PIK3IP1: variants seen among roughly 807,000 people sequenced by gnomAD.
PIK3IP1 encodes the protein phosphoinositide-3-kinase-interacting protein 1.
Under a neutral mutation model 30.7 loss-of-function variants are expected in PIK3IP1, and 28 were observed. That is an observed-to-expected ratio of 0.91 (90% CI 0.68 to 1.25). PIK3IP1 has a LOEUF of 1.25. Among genes scored for constraint, PIK3IP1 ranks in the 50% most tolerant of loss-of-function variants. The pLI is 0.00. For synonymous variants in PIK3IP1, 159 were observed against 140.8 expected (o/e 1.13, Z -0.91); for missense variants, 333 against 346.2 (o/e 0.96, Z 0.30).
In PIK3IP1 at chr22:31,283,295, G is replaced by C. The variant is rs1310242790; in HGVS notation, c.588-7C>G. 2 of 1,601,810 alleles carry C rather than the reference G, an allele frequency of 1.2e-6. No homozygotes were observed. The highest frequency in any genetic ancestry group is 1.1e-5 in the South Asian group (1 of 90,986). ...TTCTTTCAAATCCTTCCCCCTGGCA[G>C]GAAAAAAACAAACAAACATTCAGGC... On this transcript the variant is annotated splice_polypyrimidine_tract_variant and splice_region_variant and intron_variant, in intron 5 of 5. Coordinates refer to ENST00000215912, the MANE Select transcript of PIK3IP1 (RefSeq NM_052880.5).
intron 4 of PIK3IP1, 25 bp from the exon 5 acceptor site, chr22:31,289,418 C>T: frequency 6.3e-7 from 1 of 1,587,836 alleles, no homozygotes. Flanking sequence ...ACACAAGGTC[C>T]CATTAGCCAC....
In PIK3IP1 at chr22:31,283,269, G is replaced by C. The variant is rs1219747858; in HGVS notation, c.607C>G (p.Gln203Glu). 10 of 1,613,552 alleles carry C rather than the reference G, an allele frequency of 6.2e-6. No individual in the cohort carries two copies. The highest frequency in any genetic ancestry group is 7.6e-6 in the Non-Finnish European group (9 of 1,179,998). Residue 203 changes from glutamine (Q) to glutamate (E), a missense_variant, in exon 6 of 6, where the codon CAG becomes GAG. By Grantham distance (29) the Gln-to-Glu change is conservative. Around this residue, in one of 3 missense-constraint regions of PIK3IP1, gnomAD observed 217 missense variants for 227.7 expected, o/e 0.95. Transcript: ENST00000215912. Reference protein sequence around the residue: ...SYKRGKDLKEQHDQKVCEREM... With the variant: ...SYKRGKDLKEEHDQKVCEREM... ...CTCTCACATACTTTCTGATCATGCT[G>C]TTCTTTCAAATCCTTCCCCCTGGCA...
At chr22:31,289,724 C>T in intron 3 of PIK3IP1, 25 bp from the exon 4 acceptor site, 1 of 1,551,312 alleles carries the variant, frequency 6.4e-7, no homozygotes, top group Non-Finnish European at 8.7e-7. Context: ...GGAAACAGCT[C>T]TCATCAGGGA....
intron 5 of PIK3IP1, among the ~76,000 whole-genome samples, chr22:31,285,879 A>G (rs2049127458): frequency 6.6e-6 from 1 of 152,168 alleles, no homozygotes; most frequent in South Asian, 2.1e-4. Flanking sequence ...GGCTTAGTCA[A>G]GGTAATCAGG....
intron 3 of PIK3IP1, chr22:31,290,750 T>G: frequency 1.6e-6 from 1 of 639,610 alleles, no homozygotes; most frequent in East Asian, 3.5e-5. Context: ...CCCGCGCAGT[T>G]GTTTACAAGC....
intron 5 of PIK3IP1, among the ~76,000 whole-genome samples, chr22:31,285,680 A>G (rs141541810): frequency 6.6e-6 from 1 of 152,138 alleles, no homozygotes; most frequent in African/African-American, 2.4e-5. Flanking sequence ...TTAAATTTCT[A>G]TTTTTCCTAC....
At chr22:31,288,545 C>T (rs953130644) in intron 5 of PIK3IP1, among the ~76,000 whole-genome samples, 2 of 152,194 alleles carry the variant, frequency 1.3e-5, no homozygotes, top group African/African-American at 2.4e-5. Flanking sequence ...TCAAATCCCC[C>T]GATTTTGCCC....
intron 1 of PIK3IP1, 38 bp downstream of exon 1, chr22:31,292,237 C>A (rs1168283947): frequency 1.2e-6 from 2 of 1,600,794 alleles, no homozygotes; most frequent in Admixed American, 1.7e-5. Flanking sequence ...CCTTCTGTTT[C>A]ATGAAGTTGC....
rs537150487 is a variant in PIK3IP1 at position 31,285,227 on chromosome 22, G to A, written c.588-1939C>T. Reference sequence around the variant, plus strand: ...CTGCTCAGGAAAAGTTCCCAAGGCAGCTACAGGTAATAATCACAAGAGCAG... The same window carrying A: ...CTGCTCAGGAAAAGTTCCCAAGGCAACTACAGGTAATAATCACAAGAGCAG... On this transcript the variant is annotated intron_variant, in intron 5 of 5. Transcript: ENST00000215912. Among the ~76,000 whole-genome samples, 3 of 152,304 alleles carry A rather than the reference G, an allele frequency of 2.0e-5. No homozygotes were observed. The East Asian group carries it at 5.8e-4, about 29-fold the overall frequency.
At chr22:31,292,182 G>C in intron 1 of PIK3IP1, 93 bp downstream of exon 1, 1 of 1,303,078 alleles carries the variant, frequency 7.7e-7, no homozygotes, top group Non-Finnish European at 1.1e-6. Flanking sequence ...TAAACGCTTC[G>C]TTTCCTGTCA....
chr22:31,290,781 T>G (rs962318825), intron 3 of PIK3IP1, 184 bp downstream of exon 3: 5 of 860,578 alleles, frequency 5.8e-6, no homozygotes, highest in Non-Finnish European at 8.3e-6. Flanking sequence ...GATGAGCTCA[T>G]ACGAGTGGCG....
chr22:31,282,096 C>G lies in PIK3IP1; in HGVS notation c.*988G>C, dbSNP rs539887017. 6.6e-6 allele frequency: 1 copy of G among 152,260 alleles called. No individual in the cohort carries two copies. Among genetic ancestry groups the G allele is most frequent in the Non-Finnish European group, 1.5e-5 (1 of 68,078 alleles). 9.4% of individuals were successfully genotyped at this position (152,260 alleles called of 1,614,324 possible). ...TTGCTTTATGAGTTAGGGGCTGTGA[C>G]CCTAGCCCCAGTGCCCTACAGGAAG... On this transcript the variant is annotated 3_prime_UTR_variant, in exon 6 of 6. Transcript: ENST00000215912.
In PIK3IP1 at chr22:31,291,270, A is replaced by C. The variant is rs373917831; in HGVS notation, c.97T>G (p.Tyr33Asp). The C allele has an allele frequency of 6.4e-7, 1 of 1,555,604 alleles. No homozygotes were observed. The highest frequency in any genetic ancestry group is 1.4e-5 in the African/African-American group (1 of 73,114). The change falls in exon 2 of 6, where the codon TAC becomes GAC. Residue 33 changes from tyrosine to aspartate, a missense_variant. Around this residue, in one of 3 missense-constraint regions of PIK3IP1, gnomAD observed 111 missense variants for 100.1 expected, o/e 1.11. Transcript: ENST00000215912. ...GCGGGGGAGGTCTGGTCCTCCCGGT[A>C]CAGGTGGCCGTTGTCCCAGAAACAG... Reference protein sequence around the residue: ...GGCFWDNGHLYREDQTSPAPG... With the variant: ...GGCFWDNGHLDREDQTSPAPG...
chr22:31,292,159 A>G, intron 1 of PIK3IP1, 116 bp downstream of exon 1: 2 of 1,010,882 alleles, frequency 2.0e-6, no homozygotes, highest in Non-Finnish European at 3.0e-6. Flanking sequence ...TTCACGGGAC[A>G]ACAGAAACCG....
intron 3 of PIK3IP1, 79 bp downstream of exon 3, chr22:31,290,886 G>C: frequency 6.9e-7 from 1 of 1,455,634 alleles, no homozygotes; most frequent in Non-Finnish European, 9.0e-7. Flanking sequence ...GCATCGCGCG[G>C]CCGCACGTGC....
At chr22:31,284,755 C>T (rs1185179907) in intron 5 of PIK3IP1, among the ~76,000 whole-genome samples, 8 of 152,202 alleles carry the variant, frequency 5.3e-5, no homozygotes, top group African/African-American at 1.9e-4. Context: ...AGACCTCCCT[C>T]TGAAGCTAGT....
chr22:31,287,971 A>G (rs1161807770), intron 5 of PIK3IP1, among the ~76,000 whole-genome samples: 2 of 152,148 alleles, frequency 1.3e-5, no homozygotes, highest in African/African-American at 4.8e-5. Flanking sequence ...TGTTATTATT[A>G]TACCCAAACT....
chr22:31,292,010 G>A (rs924341671), intron 1 of PIK3IP1, among the ~76,000 whole-genome samples: 1 of 152,198 alleles, frequency 6.6e-6, no homozygotes, highest in Non-Finnish European at 1.5e-5. Context: ...CAGGACTTGG[G>A]GAGTAGGGGA....
chr22:31,285,982 G>T (rs1423113918), intron 5 of PIK3IP1, among the ~76,000 whole-genome samples: 1 of 152,094 alleles, frequency 6.6e-6, no homozygotes, highest in African/African-American at 2.4e-5. Flanking sequence ...AGACCAGCCT[G>T]GCCAACATGG....
Sources: gnomAD v4.1 joint callset for allele counts (sites outside exome capture counted in the v4.1 genomes callset) on GRCh38, gnomAD v4.1.1 for gene constraint, gnomAD v4.1.1 regional missense constraint, MANE v1.5 for transcripts, NCBI Gene and HGNC (gene_info 2026-07-23, HGNC 2026-07-21) for gene names.